Variants in CCNY observed in about 807,000 individuals in gnomAD.
CCNY encodes the protein cyclin Y.
CCNY carries 19 observed loss-of-function variants against 42.8 expected under a neutral mutation model. That is an observed-to-expected ratio of 0.44 (90% CI 0.31 to 0.65). The LOEUF is 0.65. Ranked by LOEUF, CCNY falls within the 30% of genes least tolerant of loss-of-function variation. CCNY has a pLI of 0.07. For missense variants in CCNY, 370 were observed against 437.3 expected (o/e 0.85, Z 1.37); for synonymous variants, 165 against 162.7 (o/e 1.01, Z -0.11).
At chr10:35,395,404 G>A (rs955132084) in intron 1 of CCNY, among the ~76,000 whole-genome samples, 7 of 152,182 alleles carry the variant, frequency 4.6e-5, no homozygotes, top group African/African-American at 1.7e-4. Flanking sequence ...TCAGAACCAA[G>A]GAGCAGTGCG....
chr10:35,464,578 A>T (rs188735061), intron 1 of CCNY, among the ~76,000 whole-genome samples: 1,985 of 145,582 alleles, frequency 0.014, 36 homozygotes, highest in East Asian at 0.057. Context: ...TTTTTTTTTT[A>T]AATTAACCCT....
At chr10:35,507,178 G>A (rs539860097) in intron 3 of CCNY, among the ~76,000 whole-genome samples, 2 of 152,256 alleles carry the variant, frequency 1.3e-5, no homozygotes, top group East Asian at 3.9e-4. Flanking sequence ...CTTGAAGCAG[G>A]AACTTTGTCA....
chr10:35,313,283 C>T (rs1046591832), intron 3 of CCNY, among the ~76,000 whole-genome samples: 3 of 152,318 alleles, frequency 2.0e-5, no homozygotes, highest in Admixed American at 2.0e-4. Context: ...ATAGTATATA[C>T]CATTTTCACA....
intron 2 of CCNY, among the ~76,000 whole-genome samples, chr10:35,494,166 T>G (rs1010844615): frequency 6.7e-6 from 1 of 149,738 alleles, no homozygotes; most frequent in Non-Finnish European, 1.5e-5. Context: ...TCCCAGCATT[T>G]TGGGAGGCTG....
intron 3 of CCNY, among the ~76,000 whole-genome samples, chr10:35,307,087 A>T (rs1835615467): frequency 6.6e-6 from 1 of 152,156 alleles, no homozygotes; most frequent in Non-Finnish European, 1.5e-5. Flanking sequence ...CTGCTCACTA[A>T]CCTTGTGCCC....
At chr10:35,524,305 A>G (rs543497333) in intron 4 of CCNY, among the ~76,000 whole-genome samples, 3 of 152,376 alleles carry the variant, frequency 2.0e-5, no homozygotes, top group Non-Finnish European at 2.9e-5. Flanking sequence ...ATCAGCTTCA[A>G]TGCTTTTCAA....
intron 1 of CCNY, among the ~76,000 whole-genome samples, chr10:35,453,346 A>T (rs2135316768): frequency 6.6e-6 from 1 of 152,352 alleles, no homozygotes. Context: ...ATTTTTGATC[A>T]CTACATAATT....
intron 3 of CCNY, among the ~76,000 whole-genome samples, chr10:35,263,234 G>A (rs923869561): frequency 9.2e-5 from 14 of 151,620 alleles, no homozygotes; most frequent in African/African-American, 2.9e-4. Context: ...GCGGGCTCCT[G>A]TGGTCCCAGC....
chr10:35,425,995 A>T (rs1838256939), intron 1 of CCNY, among the ~76,000 whole-genome samples: 1 of 151,430 alleles, frequency 6.6e-6, no homozygotes, highest in Non-Finnish European at 1.5e-5. Flanking sequence ...CCTGGGGGAG[A>T]CTCTGAATCC....
intron 1 of CCNY, among the ~76,000 whole-genome samples, chr10:35,425,871 C>T (rs990254303): frequency 6.6e-6 from 1 of 152,134 alleles, no homozygotes; most frequent in African/African-American, 2.4e-5. Context: ...TTGTTAGTGA[C>T]TCATCCAGTG....
At chr10:35,439,142 T>G (rs1160350116) in intron 1 of CCNY, among the ~76,000 whole-genome samples, 1 of 152,196 alleles carries the variant, frequency 6.6e-6, no homozygotes, top group African/African-American at 2.4e-5. Context: ...GGGTTTCTGT[T>G]TCTTGCCAAA....
At chr10:35,485,511 G>A (rs1839766190) in intron 2 of CCNY, among the ~76,000 whole-genome samples, 1 of 152,190 alleles carries the variant, frequency 6.6e-6, no homozygotes, top group Non-Finnish European at 1.5e-5. Flanking sequence ...GGATCACGAG[G>A]TCAGGAGATC....
intron 1 of CCNY, among the ~76,000 whole-genome samples, chr10:35,353,777 T>C (rs1836480237): frequency 6.6e-6 from 1 of 152,242 alleles, no homozygotes. Context: ...AATGTGATGT[T>C]AGTCTAAGTA....
chr10:35,253,704 CAT>C (rs985775707), intron 3 of CCNY, among the ~76,000 whole-genome samples: 2 of 151,960 alleles, frequency 1.3e-5, no homozygotes, highest in African/African-American at 4.8e-5. Context: ...TAGAGGCTAA[CAT>C]TCAGTGACTC....
intron 1 of CCNY, among the ~76,000 whole-genome samples, chr10:35,395,846 G>T (rs779783216): frequency 1.3e-5 from 2 of 152,214 alleles, no homozygotes; most frequent in Non-Finnish European, 2.9e-5. Context: ...CTCTGAGGCT[G>T]GGTTTAGGGC....
At chr10:35,296,061 G>A (rs1395159268) in intron 3 of CCNY, among the ~76,000 whole-genome samples, 1 of 152,120 alleles carries the variant, frequency 6.6e-6, no homozygotes, top group African/African-American at 2.4e-5. Context: ...AGCACTAAAC[G>A]TCCACATCAA....
At chr10:35,424,999 A>T (rs1159374069) in intron 1 of CCNY, among the ~76,000 whole-genome samples, 1 of 152,146 alleles carries the variant, frequency 6.6e-6, no homozygotes, top group Non-Finnish European at 1.5e-5. Flanking sequence ...CCCCGGTACA[A>T]TGGCTGCTTC....
chr10:35,326,747 G>T (rs957225395), intron 3 of CCNY, among the ~76,000 whole-genome samples: 1 of 152,152 alleles, frequency 6.6e-6, no homozygotes, highest in African/African-American at 2.4e-5. Context: ...AAATTGGCTG[G>T]ATGTGGTGGT....
chr10:35,304,897 C>CA (rs1388131287), intron 3 of CCNY, among the ~76,000 whole-genome samples: 1 of 151,928 alleles, frequency 6.6e-6, no homozygotes, highest in African/African-American at 2.4e-5. Context: ...GAAGAAGAGC[C>CA]AAAAAACGTG....
Sources: allele counts gnomAD v4.1 joint callset (sites outside exome capture counted in the v4.1 genomes callset), GRCh38; gene constraint gnomAD v4.1.1; transcripts MANE v1.5; gene names NCBI Gene and HGNC (gene_info 2026-07-23, HGNC 2026-07-21).